Variants in PDE1C observed in about 807,000 individuals in gnomAD.
PDE1C encodes phosphodiesterase 1C, also known as dual specificity calcium/calmodulin-dependent 3',5'-cyclic nucleotide phosphodiesterase 1C.
In PDE1C, 62 loss-of-function variants were observed where a neutral mutation model predicts 93.1. The observed-to-expected ratio is 0.67, with a 90% CI of 0.54 to 0.82. The LOEUF is 0.82. Ranked by LOEUF, PDE1C falls within the 40% of genes least tolerant of loss-of-function variation. The probability of loss-of-function intolerance (pLI) is 0.00; values close to 1 mark genes in which losing one functional copy is unlikely to be tolerated. For missense variants in PDE1C, 742 were observed against 884.6 expected, an observed-to-expected ratio of 0.84 and a Z score of 2.04; for synonymous variants, 325 against 310.1, an observed-to-expected ratio of 1.05 and a Z score of -0.50.
intron 1 of PDE1C, among the ~76,000 whole-genome samples, chr7:32,415,320 A>G (rs1362215421): frequency 2.6e-5 from 4 of 152,098 alleles, no homozygotes; most frequent in African/African-American, 9.7e-5. Context: ...GCATGGTGGC[A>G]TGCACCTGTA....
chr7:32,355,335 C>G (rs976553448), intron 1 of PDE1C, among the ~76,000 whole-genome samples: 2 of 152,230 alleles, frequency 1.3e-5, no homozygotes, highest in Non-Finnish European at 1.5e-5. Flanking sequence ...TCAATGCAGA[C>G]TTAAATAGAA....
At chr7:31,694,324 G>T in the PDE1C span, among the ~76,000 whole-genome samples, 1 of 150,132 alleles carries the variant, frequency 6.7e-6, no homozygotes. Context: ...GACATCTGAA[G>T]TATATCAACT....
At chr7:32,070,479 AGCCAGG>A, upstream of PDE1C, 1 of 1,569,142 alleles carries the variant, frequency 6.4e-7, no homozygotes, top group Non-Finnish European at 8.6e-7. Context: ...CGCGATGCCC[AGCCAGG>A]CGCGGCGCGC....
intron 16 of PDE1C, among the ~76,000 whole-genome samples, chr7:31,803,855 C>T (rs1440665147): frequency 6.6e-6 from 1 of 151,970 alleles, no homozygotes; most frequent in Non-Finnish European, 1.5e-5. Flanking sequence ...CTGCTATAAA[C>T]ATTCGTGAGC....
At chr7:31,642,570 G>A in the PDE1C span, 5 of 956,284 alleles carry the variant, frequency 5.2e-6, no homozygotes, top group South Asian at 3.5e-5. Context: ...ACCTGATGTT[G>A]CAACCCTTAT....
At chr7:32,416,833 T>C (rs1291208802) in intron 1 of PDE1C, among the ~76,000 whole-genome samples, 1 of 152,070 alleles carries the variant, frequency 6.6e-6, no homozygotes, top group Non-Finnish European at 1.5e-5. Flanking sequence ...AACAGGTCTA[T>C]GGGGAAATGA....
At chr7:31,710,286 C>T in the PDE1C span, among the ~76,000 whole-genome samples, 1 of 152,196 alleles carries the variant, frequency 6.6e-6, no homozygotes, top group Admixed American at 6.5e-5. Context: ...AAGGCATCTA[C>T]CAGGAACCCA....
chr7:32,211,580 T>TA lies in PDE1C; in HGVS notation c.86-2042dup, dbSNP rs199703980. Reference sequence around the variant, plus strand: ...GTCTATAACCAAAGTTATCTTATAATAAAAAAAAAGGGGGGGGTAAGAAAA... The same window carrying TA: ...GTCTATAACCAAAGTTATCTTATAATAAAAAAAAAAGGGGGGGGTAAGAAAA... On this transcript the variant is annotated intron_variant, in intron 1 of 18. Transcript: ENST00000396193. 3.6e-3 allele frequency among the ~76,000 whole-genome samples: 469 copies of TA among 130,866 alleles called. 1 individual carries two copies. The highest frequency in any genetic ancestry group is 5.1e-3 in the Non-Finnish European group (317 of 62,300). The allele number at this position is 130,866 out of a possible 152,430, so 85.9% of individuals were successfully genotyped here. A position where few individuals can be genotyped will look rare whatever the true frequency, so the allele number is the denominator to read the frequency against.
downstream of PDE1C, among the ~76,000 whole-genome samples, chr7:31,748,908 T>A (rs1420752789): frequency 6.6e-6 from 1 of 152,216 alleles, no homozygotes; most frequent in Non-Finnish European, 1.5e-5. Flanking sequence ...AGAATATAAT[T>A]GATCATGTGA....
At chr7:31,692,429 C>T in the PDE1C span, 101 of 1,592,830 alleles carry the variant, frequency 6.3e-5, no homozygotes, top group East Asian at 1.9e-3. Flanking sequence ...ATACATCCAC[C>T]CACCCTCCTT....
At chr7:31,988,250 T>G (rs1783673010) in intron 2 of PDE1C, among the ~76,000 whole-genome samples, 2 of 152,214 alleles carry the variant, frequency 1.3e-5, no homozygotes, top group South Asian at 4.1e-4. Context: ...TTCTGTCCAC[T>G]CTGCCCAGAC....
chr7:32,387,634 T>TCCC (rs1462469708), intron 1 of PDE1C, among the ~76,000 whole-genome samples: 1 of 95,716 alleles, frequency 1.0e-5, no homozygotes, highest in African/African-American at 4.0e-5. Flanking sequence ...GGGGGGCTGA[T>TCCC]CCCCCCACCT....
At chr7:32,264,127 A>T (rs866679248) in intron 1 of PDE1C, among the ~76,000 whole-genome samples, 1 of 152,240 alleles carries the variant, frequency 6.6e-6, no homozygotes, top group African/African-American at 2.4e-5. Context: ...TGATTGTAGA[A>T]GCTCTACAGG....
chr7:31,648,972 G>C, the PDE1C span, among the ~76,000 whole-genome samples: 5 of 152,188 alleles, frequency 3.3e-5, no homozygotes, highest in Non-Finnish European at 7.3e-5. Context: ...TGGTCTACAA[G>C]ATCTTTTCTG....
chr7:32,382,204 G>A (rs1784550382), intron 1 of PDE1C, among the ~76,000 whole-genome samples: 1 of 152,018 alleles, frequency 6.6e-6, no homozygotes, highest in Admixed American at 6.6e-5. Flanking sequence ...TGTCCAGCCT[G>A]GATAAATTGA....
chr7:31,687,932 C>T, the PDE1C span, among the ~76,000 whole-genome samples: 7 of 152,280 alleles, frequency 4.6e-5, no homozygotes, highest in South Asian at 2.1e-4. Flanking sequence ...AGTGTCAACT[C>T]GCTTCTGAGA....
chr7:31,846,542 G>A (rs144437587), intron 9 of PDE1C, among the ~76,000 whole-genome samples: 82 of 152,022 alleles, frequency 5.4e-4, no homozygotes, highest in African/African-American at 1.9e-3. Context: ...GAAAACCTAG[G>A]CAATAGCATT....
intron 13 of PDE1C, 95 bp downstream of exon 13, chr7:31,824,772 C>T: frequency 1.3e-6 from 2 of 1,493,514 alleles, no homozygotes; most frequent in Non-Finnish European, 1.8e-6. Context: ...AGGCAAATGC[C>T]ATTATGAAAT....
intron 1 of PDE1C, among the ~76,000 whole-genome samples, chr7:32,221,204 A>G (rs1806833363): frequency 6.6e-6 from 1 of 152,234 alleles, no homozygotes. Flanking sequence ...AAAGTTACTT[A>G]AGTCATTGCC....
Sources: gnomAD v4.1 joint callset for allele counts (sites outside exome capture counted in the v4.1 genomes callset) on GRCh38, gnomAD v4.1.1 for gene constraint, MANE v1.5 for transcripts, NCBI Gene and HGNC (gene_info 2026-07-23, HGNC 2026-07-21) for gene names.